SULT2A1: variants seen among roughly 807,000 people sequenced by gnomAD.
The protein encoded by SULT2A1 is sulfotransferase 2A1.
SULT2A1 carries 43 observed loss-of-function variants against 33.9 expected under a neutral mutation model. That is an observed-to-expected ratio of 1.27 (90% CI 1.00 to 1.64). The LOEUF is 1.64. Ranked by LOEUF, SULT2A1 falls within the 40% of genes most tolerant of loss-of-function variation. SULT2A1 has a pLI of 0.00. For missense variants in SULT2A1, 300 were observed against 335.1 expected, an observed-to-expected ratio of 0.90 and a Z score of 0.82; for synonymous variants, 125 against 113.6, an observed-to-expected ratio of 1.10 and a Z score of -0.64.
intron 5 of SULT2A1, among the ~76,000 whole-genome samples, chr19:47,873,103 A>G (rs1968508434): frequency 6.6e-6 from 1 of 151,724 alleles, no homozygotes; most frequent in Non-Finnish European, 1.5e-5. Context: ...GGGTCTTTTG[A>G]AGGATTTAAT....
Position 47,886,304 on chromosome 19 carries a change from C to G in SULT2A1, c.-47G>C. On this transcript the variant is annotated 5_prime_UTR_variant, in exon 1 of 6. Coordinates refer to ENST00000222002, the MANE Select transcript of SULT2A1 (RefSeq NM_003167.4). The stretch of plus-strand genomic sequence containing the variant: ...GGTGTGAGGGTTTCAACTGTAGCCA[C>G]CGCTGGAGGCTGTGGCAGCTACAGG... 6.2e-7 allele frequency: 1 copy of G among 1,603,666 alleles called. No homozygotes were observed.
intron 4 of SULT2A1, among the ~76,000 whole-genome samples, chr19:47,877,993 T>G (rs1212864336): frequency 6.6e-6 from 1 of 152,240 alleles, no homozygotes; most frequent in African/African-American, 2.4e-5. Context: ...CCAGCCAAGC[T>G]GAGATGTCAG....
Position 47,883,929 on chromosome 19 carries a change from A to G in SULT2A1, c.137-144T>C, listed in dbSNP as rs538453407. The G allele has an allele frequency of 3.1e-5, 22 of 718,524 alleles. No homozygotes were observed. In the South Asian group the frequency reaches 4.1e-4, roughly 13 times the overall value. 44.5% of individuals were successfully genotyped at this position (718,524 alleles called of 1,614,324 possible). ...CAGAATAGCCTGGCCAAGATGGTGA[A>G]ACCCCGTCTCTACTAAAAATACAAA... is the stretch of plus-strand genomic sequence containing the variant. On this transcript the variant is annotated intron_variant, in intron 1 of 5. Coordinates refer to ENST00000222002, the MANE Select transcript of SULT2A1 (RefSeq NM_003167.4).
chr19:47,873,008 T>G (rs1435046697), intron 5 of SULT2A1, among the ~76,000 whole-genome samples: 1 of 151,704 alleles, frequency 6.6e-6, no homozygotes, highest in East Asian at 1.9e-4. Flanking sequence ...GTGATACACT[T>G]GCCTTGGTCT....
At position 47,870,620 on chromosome 19, in the gene SULT2A1, A is replaced by C. The variant is rs757218508; in HGVS notation, c.*835T>G. The C allele has an allele frequency of 1.4e-5, 2 of 147,972 alleles. No individual in the cohort carries two copies. Among genetic ancestry groups the C allele is most frequent in the Non-Finnish European group, 3.0e-5 (2 of 65,688 alleles). The allele number at this position is 147,972 out of a possible 1,614,324, so 9.2% of individuals were successfully genotyped here. A position where few individuals can be genotyped will look rare whatever the true frequency, so the allele number is the denominator to read the frequency against. On this transcript the variant is annotated 3_prime_UTR_variant, in exon 6 of 6. Transcript: ENST00000222002. The stretch of plus-strand genomic sequence containing the variant: ...GAACCTTAATTGCTCCTGTAATTTT[A>C]TTTCTTATTTTTATTACTAATTTTT...
Position 47,883,770 on chromosome 19 carries a change from G to C in SULT2A1, c.152C>G (p.Ala51Gly). The C allele has an allele frequency of 6.2e-7, 1 of 1,613,986 alleles. No individual in the cohort carries two copies. Reference sequence around the variant, plus strand: ...GGAGTGCATCAGGCAGAGAATCTCAGCCAACCAGTTTGTTCCTGGAAAAAG... The same window carrying C: ...GGAGTGCATCAGGCAGAGAATCTCACCCAACCAGTTTGTTCCTGGAAAAAG... ...TYPKSGTNWL[A>G]EILCLMHSKG... The change falls in exon 2 of 6, where the codon GCT becomes GGT. Residue 51 changes from alanine (A) to glycine (G), a missense_variant. Transcript: ENST00000222002.
rs11569685 is a variant in SULT2A1, at chr19:47,886,252, C to T, written c.6G>A (p.Ser2=). The T allele has an allele frequency of 7.4e-4, 1,190 of 1,613,780 alleles. 10 individuals carry two copies. The African/African-American group carries it at 0.014, about 19-fold the overall frequency. M[S]DDFLWFEGIA... ...TGCCTTCAAACCATAAGAAATCGTCCGACATGATGATGACCTCTTCCTGCG... is the reference window on the plus strand; with the variant it reads ...TGCCTTCAAACCATAAGAAATCGTCTGACATGATGATGACCTCTTCCTGCG... The change falls in exon 1 of 6, where the codon TCG becomes TCA. Residue 2 remains serine, a synonymous_variant. Transcript: ENST00000222002.
intron 2 of SULT2A1, among the ~76,000 whole-genome samples, chr19:47,883,177 C>T (rs1025264923): frequency 3.3e-5 from 5 of 152,032 alleles, no homozygotes; most frequent in Admixed American, 2.0e-4. Context: ...TGCTGCTTCC[C>T]ATAGGAACAC....
Position 47,883,664 on chromosome 19 carries a change from T to C in SULT2A1, c.258A>G (p.Ala86=). The C allele has an allele frequency of 6.2e-7, 1 of 1,613,954 alleles. No individual in the cohort carries two copies. The highest frequency in any genetic ancestry group is 8.5e-7 in the Non-Finnish European group (1 of 1,179,972). The change falls in exon 2 of 6, where the codon GCA becomes GCG. Residue 86 remains alanine, a synonymous_variant. Transcript: ENST00000222002. ...PWVESEIGYT[A]LSETESPRLF... is the part of the protein sequence containing the mutation. The stretch of plus-strand genomic sequence containing the variant: ...AACGTGGACTCTCCGTTTCACTGAG[T>C]GCTGTATACCCAATCTCACTCTCTA...
intron 5 of SULT2A1, among the ~76,000 whole-genome samples, chr19:47,871,921 C>CTT (rs111392005): frequency 6.9e-6 from 1 of 145,626 alleles, no homozygotes; most frequent in African/African-American, 2.5e-5. Context: ...GCTTTTTTTT[C>CTT]TTTTTTTTTT....
At chr19:47,875,692 A>G (rs573090658) in intron 4 of SULT2A1, among the ~76,000 whole-genome samples, 32 of 152,258 alleles carry the variant, frequency 2.1e-4, no homozygotes, top group Admixed American at 7.9e-4. Flanking sequence ...AAACCACAAA[A>G]GATGCAAGGA....
chr19:47,884,804 CTTTTTTTTTTTT>C (rs71181611), intron 1 of SULT2A1, among the ~76,000 whole-genome samples: 7 of 64,008 alleles, frequency 1.1e-4, no homozygotes, highest in Admixed American at 2.3e-4. Flanking sequence ...CTCTCAACCA[CTTTTTTTTTTTT>C]TTTTTTTTTT....
At chr19:47,886,059 C>A (rs1217087070) in intron 1 of SULT2A1, 63 bp downstream of exon 1, 16 of 1,582,220 alleles carry the variant, frequency 1.0e-5, no homozygotes, top group Non-Finnish European at 1.3e-5. Context: ...GAACTCCAAT[C>A]ATGCACTGAA....
chr19:47,880,256 A>AAAAC (rs1568639444), intron 3 of SULT2A1, among the ~76,000 whole-genome samples: 2 of 150,510 alleles, frequency 1.3e-5, no homozygotes, highest in African/African-American at 4.9e-5. Context: ...AAAAAAAAAA[A>AAAAC]AACCTGAAGC....
chr19:47,874,806 C>G lies in SULT2A1; in HGVS notation c.596G>C (p.Cys199Ser), dbSNP rs371975368. Reference protein sequence around the residue: ...QDTGRTIEKICQFLGKTLEPE... With the variant: ...QDTGRTIEKISQFLGKTLEPE... Reference sequence around the variant, plus strand: ...TTCTAACGTCTTTCCCAGGAATTGACAGATCTTCTCTATGGTTCTTCCTGT... The same window carrying G: ...TTCTAACGTCTTTCCCAGGAATTGAGAGATCTTCTCTATGGTTCTTCCTGT... The change falls in exon 5 of 6, where the codon TGT becomes TCT. Residue 199 changes from cysteine to serine, a missense_variant. Cys to Ser is a moderately radical substitution (Grantham distance 112). Coordinates refer to ENST00000222002, the MANE Select transcript of SULT2A1 (RefSeq NM_003167.4). 107 of 1,614,000 alleles carry G rather than the reference C, an allele frequency of 6.6e-5. 4 individuals carry two copies. The highest frequency in any genetic ancestry group is 4.2e-4 in the East Asian group (19 of 44,862).
Position 47,871,445 on chromosome 19 carries a change from G to GT in SULT2A1, c.*9dup. The GT allele has an allele frequency of 1.3e-6, 2 of 1,591,680 alleles. No individual in the cohort carries two copies. Among genetic ancestry groups the GT allele is most frequent in the Non-Finnish European group, 1.7e-6 (2 of 1,159,648 alleles). ...TCATTCTCCATATAAGATCCAGAGT[G>GT]TTTTGGACGTTATTCCCATGGGAAC... On this transcript the variant is annotated 3_prime_UTR_variant, in exon 6 of 6. Transcript: ENST00000222002.
chr19:47,880,033 G>A lies in SULT2A1; in HGVS notation c.473-903C>T, dbSNP rs62530995. On this transcript the variant is annotated intron_variant, in intron 3 of 5. Coordinates refer to ENST00000222002, the MANE Select transcript of SULT2A1 (RefSeq NM_003167.4). ...GGGCGGATCACGAGGTCAGGAGATC[G>A]AGACCATCCTGGCTAACACAGTGAA... Among the ~76,000 whole-genome samples, 48 of 151,600 alleles carry A rather than the reference G, an allele frequency of 3.2e-4. 2 individuals carry two copies. In the East Asian group the frequency reaches 8.6e-3, roughly 27 times the overall value.
intron 2 of SULT2A1, among the ~76,000 whole-genome samples, chr19:47,883,001 G>A (rs1343338829): frequency 1.3e-5 from 2 of 152,048 alleles, no homozygotes; most frequent in African/African-American, 4.8e-5. Context: ...GCCATGCAAG[G>A]TCCTGGATAT....
intron 3 of SULT2A1, among the ~76,000 whole-genome samples, chr19:47,880,331 G>A (rs1465887557): frequency 6.6e-6 from 1 of 150,946 alleles, no homozygotes; most frequent in Non-Finnish European, 1.5e-5. Flanking sequence ...GAACAGCATG[G>A]GGGAAACCAC....
Sources: gnomAD v4.1 joint callset for allele counts (sites outside exome capture counted in the v4.1 genomes callset) on GRCh38, gnomAD v4.1.1 for gene constraint, MANE v1.5 for transcripts, NCBI Gene and HGNC (gene_info 2026-07-23, HGNC 2026-07-21) for gene names.